Variants in BICC1 observed in about 807,000 individuals in gnomAD.
BICC1 encodes the protein BicC family RNA binding protein 1.
A neutral mutation model predicts 111.0 loss-of-function variants in BICC1; 43 were observed. The observed-to-expected ratio is 0.39, with a 90% confidence interval of 0.30 to 0.50. The LOEUF is 0.50. BICC1 is among the 20% of genes least tolerant of loss of function. BICC1 has a pLI of 0.88. For missense variants in BICC1, 1,091 were observed against 1,203.2 expected (o/e 0.91, Z 1.38); for synonymous variants, 467 against 434.4 (o/e 1.07, Z -0.93).
At chr10:58,624,295 C>G (rs1845918342) in intron 2 of BICC1, among the ~76,000 whole-genome samples, 1 of 152,160 alleles carries the variant, frequency 6.6e-6, no homozygotes, top group African/African-American at 2.4e-5. Flanking sequence ...GACCCTATTT[C>G]CAAATATCAC....
intron 1 of BICC1, among the ~76,000 whole-genome samples, chr10:58,531,958 A>G (rs1842692954): frequency 6.6e-6 from 1 of 151,858 alleles, no homozygotes; most frequent in Non-Finnish European, 1.5e-5. Context: ...CAATATATGC[A>G]TTACATGAAT....
At chr10:58,564,721 C>G (rs879582336) in intron 1 of BICC1, among the ~76,000 whole-genome samples, 3 of 152,074 alleles carry the variant, frequency 2.0e-5, no homozygotes, top group Non-Finnish European at 4.4e-5. Flanking sequence ...TAAAAAGAGG[C>G]TATGAAACCC....
At chr10:58,742,979 G>T (rs909438107) in intron 3 of BICC1, among the ~76,000 whole-genome samples, 1 of 152,144 alleles carries the variant, frequency 6.6e-6, no homozygotes, top group African/African-American at 2.4e-5. Context: ...TACTTTGGTA[G>T]GCATGAAGTA....
intron 2 of BICC1, among the ~76,000 whole-genome samples, chr10:58,641,486 T>C (rs1206811364): frequency 6.6e-6 from 1 of 152,104 alleles, no homozygotes; most frequent in African/African-American, 2.4e-5. Flanking sequence ...TTTTTTGCTT[T>C]CCTGGAACAA....
At chr10:58,632,677 A>C (rs12356237) in intron 2 of BICC1, among the ~76,000 whole-genome samples, 53,342 of 151,952 alleles carry the variant, frequency 0.35, 10,301 homozygotes, top group East Asian at 0.47. Flanking sequence ...AGATTAGATT[A>C]AGATGCCTTC....
chr10:58,524,126 CA>C (rs1474878597), intron 1 of BICC1, among the ~76,000 whole-genome samples: 1 of 152,026 alleles, frequency 6.6e-6, no homozygotes, highest in Non-Finnish European at 1.5e-5. Context: ...CCATACTGCC[CA>C]AGGTAATTTA....
intron 2 of BICC1, among the ~76,000 whole-genome samples, chr10:58,688,582 T>A (rs188300755): frequency 2.4e-4 from 36 of 152,290 alleles, no homozygotes; most frequent in African/African-American, 8.7e-4. Flanking sequence ...CATGCACACG[T>A]ATGTTTATTG....
At chr10:58,700,474 C>G (rs1403806526) in intron 2 of BICC1, among the ~76,000 whole-genome samples, 11 of 152,148 alleles carry the variant, frequency 7.2e-5, no homozygotes, top group Admixed American at 7.2e-4. Context: ...AACACATTAG[C>G]AGAGACAGGC....
At position 58,756,576 on chromosome 10, in the gene BICC1, G is replaced by C. The variant is rs554136534; in HGVS notation, c.308-28425G>C. ...CACCCTAAGGGTTTTCCATGGGCTC[G>C]CACTTCTCAAGGAGTTCTTGGGATC... On this transcript the variant is annotated intron_variant, in intron 3 of 20. Transcript: ENST00000373886. Among the ~76,000 whole-genome samples the C allele has an allele frequency of 8.3e-4, 123 of 147,480 alleles. 1 individual carries two copies. Among genetic ancestry groups the C allele is most frequent in the African/African-American group, 3.0e-3 (119 of 39,410 alleles).
chr10:58,601,173 T>TAA (rs752405472), intron 1 of BICC1, among the ~76,000 whole-genome samples: 9,566 of 130,968 alleles, frequency 0.073, 474 homozygotes, highest in East Asian at 0.098. Context: ...TATATATATC[T>TAA]CCCAATAAAA....
intron 1 of BICC1, among the ~76,000 whole-genome samples, chr10:58,601,115 A>T (rs978499226): frequency 4.8e-5 from 6 of 126,314 alleles, no homozygotes; most frequent in Non-Finnish European, 8.3e-5. Context: ...GTGTGTACAT[A>T]CTTTTTAGGC....
chr10:58,630,920 T>G (rs149571809), intron 2 of BICC1, among the ~76,000 whole-genome samples: 51 of 152,320 alleles, frequency 3.3e-4, no homozygotes, highest in African/African-American at 1.2e-3. Flanking sequence ...GGTAAAATAT[T>G]AGACCATACT....
At chr10:58,706,379 A>G (rs1840387617) in intron 3 of BICC1, among the ~76,000 whole-genome samples, 1 of 152,234 alleles carries the variant, frequency 6.6e-6, no homozygotes, top group African/African-American at 2.4e-5. Context: ...AGCATTTATC[A>G]CACTGGTATA....
chr10:58,674,265 A>G (rs1433484360), intron 2 of BICC1, among the ~76,000 whole-genome samples: 1 of 720 alleles, frequency 1.4e-3, no homozygotes, highest in Non-Finnish European at 0.12. Flanking sequence ...AACTCAGATC[A>G]AGTGTCAGTT....
At chr10:58,665,441 T>C (rs1236518619) in intron 2 of BICC1, among the ~76,000 whole-genome samples, 1 of 152,216 alleles carries the variant, frequency 6.6e-6, no homozygotes, top group Non-Finnish European at 1.5e-5. Flanking sequence ...TTGTACTTGT[T>C]GAAGCCCGTA....
chr10:58,736,830 G>A (rs1165776896), intron 3 of BICC1, among the ~76,000 whole-genome samples: 1 of 152,114 alleles, frequency 6.6e-6, no homozygotes, highest in African/African-American at 2.4e-5. Context: ...GGTGAGCTGA[G>A]TAGTGCTAGG....
At chr10:58,535,992 A>G (rs1477271989) in intron 1 of BICC1, among the ~76,000 whole-genome samples, 1 of 151,698 alleles carries the variant, frequency 6.6e-6, no homozygotes, top group Non-Finnish European at 1.5e-5. Context: ...AGGTCATTAT[A>G]CAATGATAAA....
At chr10:58,599,929 GGTGTGTGT>G (rs59937252) in intron 1 of BICC1, among the ~76,000 whole-genome samples, 1 of 149,784 alleles carries the variant, frequency 6.7e-6, no homozygotes, top group African/African-American at 2.5e-5. Flanking sequence ...AACTAAAGAG[GGTGTGTGT>G]GTGTGTGTGT....
At chr10:58,632,273 A>G (rs1366745521) in intron 2 of BICC1, among the ~76,000 whole-genome samples, 1 of 152,210 alleles carries the variant, frequency 6.6e-6, no homozygotes, top group Non-Finnish European at 1.5e-5. Context: ...GATGCTTGTA[A>G]GATGGTGTTA....
Sources: allele counts gnomAD v4.1 joint callset (sites outside exome capture counted in the v4.1 genomes callset), GRCh38; gene constraint gnomAD v4.1.1; transcripts MANE v1.5; gene names NCBI Gene and HGNC (gene_info 2026-07-23, HGNC 2026-07-21).